DDX60: variants seen among roughly 807,000 people sequenced by gnomAD.
DDX60 encodes the protein DExD/H-box helicase 60, also known as probable ATP-dependent RNA helicase DDX60.
In DDX60, 165 loss-of-function variants were observed where a neutral mutation model predicts 212.8. That is an observed-to-expected ratio of 0.78 (90% CI 0.68 to 0.88). The LOEUF (loss-of-function observed/expected upper bound fraction) is 0.88. Among genes scored for constraint, DDX60 ranks in the 40% least tolerant of loss-of-function variants. DDX60 has a pLI of 0.00. For missense variants in DDX60, 1,905 were observed against 2,003.9 expected (o/e 0.95, Z 0.94); for synonymous variants, 703 against 685.3 (o/e 1.03, Z -0.40).
intron 29 of DDX60, 98 bp from the exon 30 acceptor site, chr4:168,246,716 T>C (rs1362037040): frequency 4.8e-6 from 6 of 1,260,104 alleles, no homozygotes; most frequent in Non-Finnish European, 6.7e-6. Context: ...AGCATGGAAA[T>C]TGTGCATATG....
intron 25 of DDX60, among the ~76,000 whole-genome samples, chr4:168,256,082 T>C: frequency 6.7e-6 from 1 of 148,680 alleles, no homozygotes; most frequent in African/African-American, 2.5e-5. Flanking sequence ...ACCCTCCCCT[T>C]CTCCCTCCCC....
chr4:168,225,395 A>C, intron 34 of DDX60, 134 bp downstream of exon 34: 1 of 952,576 alleles, frequency 1.0e-6, no homozygotes, highest in Non-Finnish European at 1.5e-6. Context: ...TTTTCTTTAG[A>C]AAGGAAAAGG....
chr4:168,250,863 GA>G, intron 28 of DDX60, 90 bp downstream of exon 28: 1 of 1,156,606 alleles, frequency 8.6e-7, no homozygotes. Context: ...GAGAAAAAAA[GA>G]AAAATGGTGG....
At chr4:168,239,755 A>G (rs1240521432) in intron 30 of DDX60, among the ~76,000 whole-genome samples, 1 of 152,136 alleles carries the variant, frequency 6.6e-6, no homozygotes, top group Non-Finnish European at 1.5e-5. Flanking sequence ...GTAGCAGGCC[A>G]TATGGGAAAG....
At chr4:168,311,178 T>C (rs1737118527) in intron 2 of DDX60, 78 bp downstream of exon 2, 2 of 1,530,034 alleles carry the variant, frequency 1.3e-6, no homozygotes, top group African/African-American at 2.8e-5. Context: ...AATGTGGTTA[T>C]TTTAATTCCA....
At chr4:168,259,183 C>T (rs931884471) in intron 25 of DDX60, among the ~76,000 whole-genome samples, 2 of 152,146 alleles carry the variant, frequency 1.3e-5, no homozygotes, top group East Asian at 1.9e-4. Context: ...TTCTGAGGCC[C>T]AGGTAAAAAA....
intron 33 of DDX60, 97 bp downstream of exon 33, chr4:168,236,155 C>T (rs2149495911): frequency 8.8e-7 from 1 of 1,131,234 alleles, no homozygotes; most frequent in Non-Finnish European, 1.2e-6. Context: ...AAATGAACTG[C>T]CCTTTGAATT....
chr4:168,298,198 T>C (rs1736495060), intron 6 of DDX60, among the ~76,000 whole-genome samples: 1 of 152,018 alleles, frequency 6.6e-6, no homozygotes, highest in African/African-American at 2.4e-5. Context: ...ACACATATCG[T>C]AAAGAAACTT....
Position 168,267,930 on chromosome 4 carries a change from T to C in DDX60, c.2840A>G (p.Asn947Ser), listed in dbSNP as rs1352049597. The change falls in exon 21 of 38, where the codon AAT (asparagine) becomes AGT (serine). Residue 947 changes from asparagine to serine, a missense_variant. Physicochemically the swap from Asn to Ser is conservative, Grantham distance 46 (BLOSUM62 1). Transcript: ENST00000393743. ...YWKQEDKIIE[N>S]NTASKRHVGR... is the part of the protein sequence containing the mutation. ...CACATGTCTTTTAGAAGCGGTATTA[T>C]TTTCAATTATTTTGTCTTCTTGTTT... is the stretch of plus-strand genomic sequence containing the variant. The C allele has an allele frequency of 6.2e-7, 1 of 1,613,258 alleles. No homozygotes were observed. Among genetic ancestry groups the C allele is most frequent in the South Asian group, 1.1e-5 (1 of 90,940 alleles).
At chr4:168,223,423 T>G (rs1733134571) in intron 35 of DDX60, among the ~76,000 whole-genome samples, 1 of 152,044 alleles carries the variant, frequency 6.6e-6, no homozygotes, top group Non-Finnish European at 1.5e-5. Context: ...AAAGAAAATG[T>G]GAGTTCAAGA....
chr4:168,299,936 A>T (rs1319200104), intron 6 of DDX60, among the ~76,000 whole-genome samples: 1 of 152,230 alleles, frequency 6.6e-6, no homozygotes, highest in African/African-American at 2.4e-5. Context: ...AGACATTCTA[A>T]TCTTTTTTAT....
chr4:168,266,356 T>C (rs536747105), intron 22 of DDX60, among the ~76,000 whole-genome samples: 10 of 152,286 alleles, frequency 6.6e-5, no homozygotes, highest in African/African-American at 2.2e-4. Flanking sequence ...TACATAGCAA[T>C]TTGTTAGGAA....
intron 7 of DDX60, 103 bp downstream of exon 7, chr4:168,293,684 G>C: frequency 9.8e-7 from 1 of 1,022,238 alleles, no homozygotes; most frequent in Non-Finnish European, 1.4e-6. Context: ...ATAAATAAGA[G>C]AAAAACATGA....
At chr4:168,269,603 A>C (rs1426912949) in intron 19 of DDX60, among the ~76,000 whole-genome samples, 2 of 152,114 alleles carry the variant, frequency 1.3e-5, no homozygotes, top group Non-Finnish European at 2.9e-5. Flanking sequence ...TCCATCTCAA[A>C]AAAAAAAAGT....
chr4:168,309,819 G>GA (rs79290046), intron 3 of DDX60, among the ~76,000 whole-genome samples: 57,879 of 151,730 alleles, frequency 0.38, 12,225 homozygotes, highest in African/African-American at 0.57. Context: ...AATTATTCTG[G>GA]AAAAAAAGTC....
At chr4:168,324,098 C>T in the DDX60 span, among the ~76,000 whole-genome samples, 1 of 152,220 alleles carries the variant, frequency 6.6e-6, no homozygotes, top group Admixed American at 6.5e-5. Flanking sequence ...CCTCTTTCTA[C>T]AAGTGAACTA....
chr4:168,255,767 A>G lies in DDX60; in HGVS notation c.3501T>C (p.His1167=). ...CTTTTCGAAGTTTGTTAGCCATGAC[A>G]TGGGCTTCTTTATCAGCTTTGGGAG... ...KRPPKADKEA[H]VMANKLRKVK... The change falls in exon 26 of 38, where the codon CAT becomes CAC. Residue 1167 remains histidine, a synonymous_variant. Transcript: ENST00000393743. The G allele has an allele frequency of 6.2e-7, 1 of 1,605,610 alleles. No individual in the cohort carries two copies. The highest frequency in any genetic ancestry group is 1.1e-5 in the South Asian group (1 of 88,546).
In DDX60 at chr4:168,265,586, T is replaced by C. The variant is rs1216210324; in HGVS notation, c.3039+1996A>G. ...GTCACAGCACACTGTAGCAGTTCTA[T>C]TGCTTTCCAGTTACTCCATTAATAG... On this transcript the variant is annotated intron_variant, in intron 22 of 37. Transcript: ENST00000393743. The C allele has an allele frequency of 5.3e-5, 8 of 152,244 alleles. No homozygotes were observed. In the East Asian group the frequency reaches 1.2e-3, roughly 22 times the overall value. 9.4% of individuals were successfully genotyped at this position (152,244 alleles called of 1,614,324 possible). A position where few individuals can be genotyped will look rare whatever the true frequency, so the allele number is the denominator to read the frequency against.
At chr4:168,271,956 G>T in intron 19 of DDX60, 87 bp downstream of exon 19, 1 of 1,058,656 alleles carries the variant, frequency 9.4e-7, no homozygotes, top group Non-Finnish European at 1.4e-6. Flanking sequence ...TCCATCCAAG[G>T]GGATAGATGT....
Sources: gnomAD v4.1 joint callset for allele counts (sites outside exome capture counted in the v4.1 genomes callset) on GRCh38, gnomAD v4.1.1 for gene constraint, MANE v1.5 for transcripts, NCBI Gene and HGNC (gene_info 2026-07-23, HGNC 2026-07-21) for gene names.